Variants in CNBD1 observed in about 807,000 individuals in gnomAD.
CNBD1 encodes cyclic nucleotide binding domain containing 1, also known as cyclic nucleotide-binding domain-containing protein 1.
CNBD1 carries 71 observed loss-of-function variants against 54.4 expected under a neutral mutation model. The observed-to-expected ratio is 1.30, with a 90% CI of 1.08 to 1.59. The LOEUF (loss-of-function observed/expected upper bound fraction) is 1.59, where lower values mean the gene tolerates loss of function less well. CNBD1 is among the 40% of genes most tolerant of loss of function. The pLI, the probability that CNBD1 is intolerant of heterozygous loss-of-function variation, is 0.00. For missense variants in CNBD1, 659 were observed against 518.0 expected, an observed-to-expected ratio of 1.27 and a Z score of -2.64; for synonymous variants, 182 against 170.7, an observed-to-expected ratio of 1.07 and a Z score of -0.51.
intron 6 of CNBD1, among the ~76,000 whole-genome samples, chr8:87,271,557 G>A (rs999752991): frequency 6.6e-6 from 1 of 151,716 alleles, no homozygotes; most frequent in Non-Finnish European, 1.5e-5. Flanking sequence ...TGTAATTTTC[G>A]AGGTTCCTCT....
intron 2 of CNBD1, among the ~76,000 whole-genome samples, chr8:87,407,302 T>A (rs914938674): frequency 1.3e-5 from 2 of 151,972 alleles, no homozygotes; most frequent in African/African-American, 4.8e-5. Context: ...TCCACTTTTG[T>A]GTTTTCAAGA....
chr8:87,025,724 G>C (rs1809629013), intron 4 of CNBD1, among the ~76,000 whole-genome samples: 1 of 152,188 alleles, frequency 6.6e-6, no homozygotes, highest in African/African-American at 2.4e-5. Flanking sequence ...AACACTCACT[G>C]TGAAGAAGAT....
At chr8:87,142,090 A>C (rs1249775994) in intron 4 of CNBD1, among the ~76,000 whole-genome samples, 9 of 152,172 alleles carry the variant, frequency 5.9e-5, no homozygotes, top group Admixed American at 5.9e-4. Flanking sequence ...TTTATTTGTC[A>C]AGAAATTTTT....
rs1197652160 is a variant in CNBD1 at position 87,420,168 on chromosome 8, T to A, written c.214-8378T>A. 2.0e-5 allele frequency among the ~76,000 whole-genome samples: 3 copies of A among 151,960 alleles called. No individual in the cohort carries two copies. The South Asian group carries it at 6.2e-4, about 31-fold the overall frequency. On this transcript the variant is annotated intron_variant, in intron 2 of 7. Coordinates refer to the CNBD1 transcript ENST00000521593. Reference sequence around the variant, plus strand: ...CTTTTCAGACTCTTAGTTTTAATTTTTTTTGCTCAATGAACCCAGATACAA... The same window carrying A: ...CTTTTCAGACTCTTAGTTTTAATTTATTTTGCTCAATGAACCCAGATACAA...
chr8:87,054,409 C>T (rs1042436743), intron 4 of CNBD1, among the ~76,000 whole-genome samples: 1 of 152,174 alleles, frequency 6.6e-6, no homozygotes, highest in Non-Finnish European at 1.5e-5. Flanking sequence ...CCCATCCAAC[C>T]CCATTGAGGG....
chr8:87,149,972 G>A (rs1026215565), intron 4 of CNBD1, among the ~76,000 whole-genome samples: 4 of 152,016 alleles, frequency 2.6e-5, no homozygotes, highest in South Asian at 2.1e-4. Context: ...TCAGGAGATC[G>A]AGACCATCCT....
intron 4 of CNBD1, among the ~76,000 whole-genome samples, chr8:87,136,554 A>G (rs1173827586): frequency 9.4e-6 from 1 of 106,268 alleles, no homozygotes; most frequent in Non-Finnish European, 1.8e-5. Flanking sequence ...TATATTATAT[A>G]TAAATTATAT....
At chr8:86,947,888 C>T (rs1307194567) in intron 4 of CNBD1, among the ~76,000 whole-genome samples, 2 of 151,970 alleles carry the variant, frequency 1.3e-5, no homozygotes, top group African/African-American at 2.4e-5. Context: ...TTTAGCCATC[C>T]CTACCTCCTC....
chr8:87,021,762 TTGAGGAACTC>T (rs567049552), intron 4 of CNBD1, among the ~76,000 whole-genome samples: 79 of 152,234 alleles, frequency 5.2e-4, no homozygotes, highest in Admixed American at 1.8e-3. Flanking sequence ...TATGTCAGGG[TTGAGGAACTC>T]TGATCTAAAG....
intron 8 of CNBD1, among the ~76,000 whole-genome samples, chr8:87,292,704 G>C (rs1244001364): frequency 6.6e-6 from 1 of 152,150 alleles, no homozygotes; most frequent in Non-Finnish European, 1.5e-5. Flanking sequence ...AGAATCCTTT[G>C]TAAAAGTTTT....
intron 8 of CNBD1, among the ~76,000 whole-genome samples, chr8:87,310,489 A>T (rs1192775965): frequency 6.6e-6 from 1 of 152,198 alleles, no homozygotes; most frequent in African/African-American, 2.4e-5. Context: ...TAGATGACAC[A>T]AACAAATGGA....
At chr8:87,369,975 G>T (rs1247210816) in intron 10 of CNBD1, among the ~76,000 whole-genome samples, 1 of 152,052 alleles carries the variant, frequency 6.6e-6, no homozygotes. Context: ...AGAACATGCA[G>T]TGTTTGGTTT....
intron 8 of CNBD1, among the ~76,000 whole-genome samples, chr8:87,331,481 G>T (rs1809830323): frequency 6.6e-6 from 1 of 152,124 alleles, no homozygotes; most frequent in South Asian, 2.1e-4. Flanking sequence ...ATTTGGGTTG[G>T]TTCCATGTGT....
chr8:87,048,952 G>A (rs1810256945), intron 4 of CNBD1, among the ~76,000 whole-genome samples: 1 of 152,190 alleles, frequency 6.6e-6, no homozygotes, highest in Non-Finnish European at 1.5e-5. Context: ...TTTGGTGAAG[G>A]AGTTTAAGAA....
At chr8:87,311,011 A>G (rs770134267) in intron 8 of CNBD1, among the ~76,000 whole-genome samples, 1 of 152,126 alleles carries the variant, frequency 6.6e-6, no homozygotes, top group Non-Finnish European at 1.5e-5. Flanking sequence ...GAGAAAACCT[A>G]GGAAACAGTA....
intron 2 of CNBD1, among the ~76,000 whole-genome samples, chr8:86,892,609 A>G (rs1022467166): frequency 6.6e-6 from 1 of 152,176 alleles, no homozygotes; most frequent in African/African-American, 2.4e-5. Flanking sequence ...GATTTATAGT[A>G]AATCTTTAAT....
At chr8:86,990,638 T>A (rs1388994341) in intron 4 of CNBD1, among the ~76,000 whole-genome samples, 1 of 152,202 alleles carries the variant, frequency 6.6e-6, no homozygotes, top group Non-Finnish European at 1.5e-5. Context: ...TCCTTCAATT[T>A]TGTTCTTTTC....
In CNBD1 at chr8:87,259,958, A is replaced by G. The variant is rs1056097313; in HGVS notation, c.771+22846A>G. On this transcript the variant is annotated intron_variant, in intron 6 of 10. Coordinates refer to ENST00000518476, the MANE Select transcript of CNBD1 (RefSeq NM_173538.3). ...GAAAGGTAACCTTCCAGGTGCTCGG[A>G]GAAAGGAAAATTTAAGACAGTCCGT... 2.0e-5 allele frequency among the ~76,000 whole-genome samples: 3 copies of G among 152,162 alleles called. No individual in the cohort carries two copies. The South Asian group carries it at 6.2e-4, about 32-fold the overall frequency.
intron 4 of CNBD1, among the ~76,000 whole-genome samples, chr8:87,055,219 G>A (rs1810388229): frequency 6.6e-6 from 1 of 152,178 alleles, no homozygotes; most frequent in Admixed American, 6.5e-5. Context: ...GCTCTCCACA[G>A]CAGAGAGGGG....
Sources: allele counts gnomAD v4.1 joint callset (sites outside exome capture counted in the v4.1 genomes callset), GRCh38; gene constraint gnomAD v4.1.1; transcripts MANE v1.5; gene names NCBI Gene and HGNC (gene_info 2026-07-23, HGNC 2026-07-21).